The following DNAJC1 variants were observed in gnomAD, a reference collection of about 807,000 sequenced individuals.
The protein encoded by DNAJC1 is dnaJ homolog subfamily C member 1.
Under a neutral mutation model 76.6 loss-of-function variants are expected in DNAJC1, and 58 were observed. The observed-to-expected ratio is 0.76, with a 90% CI of 0.61 to 0.94. The LOEUF (loss-of-function observed/expected upper bound fraction) is 0.94, where lower values mean the gene tolerates loss of function less well. Among genes scored for constraint, DNAJC1 ranks in the 40% least tolerant of loss-of-function variants. DNAJC1 has a pLI of 0.00. For synonymous variants in DNAJC1, 258 were observed against 267.9 expected (o/e 0.96, Z 0.36); for missense variants, 689 against 677.3 (o/e 1.02, Z -0.19).
intron 10 of DNAJC1, among the ~76,000 whole-genome samples, chr10:21,764,188 A>G (rs980085047): frequency 2.6e-5 from 4 of 152,212 alleles, no homozygotes; most frequent in Non-Finnish European, 4.4e-5. Flanking sequence ...TATACTATGG[A>G]CTACTATGGA....
At chr10:21,767,794 G>A (rs551571451) in intron 9 of DNAJC1, among the ~76,000 whole-genome samples, 1 of 152,010 alleles carries the variant, frequency 6.6e-6, no homozygotes. Context: ...TCAGGAGTTC[G>A]AGACCAGCCT....
At chr10:21,975,640 TCTTA>T (rs974729619) in intron 1 of DNAJC1, among the ~76,000 whole-genome samples, 2 of 151,086 alleles carry the variant, frequency 1.3e-5, no homozygotes, top group Non-Finnish European at 3.0e-5. Flanking sequence ...ATACTAGCTA[TCTTA>T]CTTACTGTCC....
In DNAJC1 at chr10:21,867,858, G is replaced by C. The variant is rs191292770; in HGVS notation, c.978+14424C>G. 3.3e-4 allele frequency among the ~76,000 whole-genome samples: 50 copies of C among 151,954 alleles called. 1 individual carries two copies. The East Asian group carries it at 6.8e-3, about 21-fold the overall frequency. On this transcript the variant is annotated intron_variant, in intron 8 of 11. Transcript: ENST00000376980. ...AGGCCGAGGCGGGCAGATCACCTGA[G>C]GTCAGGAGTTTGAGACCAGCCTGGC...
chr10:21,941,217 C>T (rs891823051), intron 1 of DNAJC1, among the ~76,000 whole-genome samples: 3 of 134,098 alleles, frequency 2.2e-5, no homozygotes, highest in African/African-American at 5.6e-5. Context: ...TGCAGTGAGC[C>T]GAGATCGCGC....
intron 1 of DNAJC1, among the ~76,000 whole-genome samples, chr10:21,931,043 T>G (rs1837213315): frequency 6.6e-6 from 1 of 152,216 alleles, no homozygotes; most frequent in Non-Finnish European, 1.5e-5. Context: ...CTTACCATTC[T>G]GATCCCCCAA....
rs372142853 is a variant in DNAJC1, at chr10:21,934,943, T to C, written c.223-5802A>G. Among the ~76,000 whole-genome samples, 44 of 152,310 alleles carry C rather than the reference T, an allele frequency of 2.9e-4. 3 individuals carry two copies. Among genetic ancestry groups the C allele is most frequent in the African/African-American group, 9.9e-4 (41 of 41,570 alleles). On this transcript the variant is annotated intron_variant, in intron 1 of 11. Transcript: ENST00000376980. ...TAGTGGCCATACACAGCACAGAATA[T>C]GAACTTTACAAAAGTGTCTATTTCA...
chr10:21,887,151 A>G (rs1282744581), intron 7 of DNAJC1, among the ~76,000 whole-genome samples: 2 of 152,194 alleles, frequency 1.3e-5, no homozygotes, highest in Non-Finnish European at 2.9e-5. Flanking sequence ...TGCCGCAAAA[A>G]GAATAAAATA....
intron 9 of DNAJC1, 103 bp downstream of exon 9, chr10:21,805,877 T>C: frequency 6.8e-7 from 1 of 1,471,810 alleles, no homozygotes; most frequent in South Asian, 1.2e-5. Context: ...GATTGTTGTA[T>C]CCCCTCCCCA....
intron 8 of DNAJC1, among the ~76,000 whole-genome samples, chr10:21,844,936 A>C (rs891835933): frequency 6.6e-6 from 1 of 152,204 alleles, no homozygotes; most frequent in Non-Finnish European, 1.5e-5. Context: ...AGGCTGGAGC[A>C]GGAGGACTGC....
At chr10:21,757,265 CA>C (rs1834187749) in intron 11 of DNAJC1, among the ~76,000 whole-genome samples, 1 of 152,160 alleles carries the variant, frequency 6.6e-6, no homozygotes, top group South Asian at 2.1e-4. Context: ...ACCTCCATCC[CA>C]CCCTACAGGC....
intron 9 of DNAJC1, among the ~76,000 whole-genome samples, chr10:21,786,463 T>TATATAGAGAGAG (rs1332368009): frequency 4.3e-5 from 1 of 23,404 alleles, no homozygotes; most frequent in African/African-American, 1.5e-4. Context: ...TATATATATA[T>TATATAGAGAGAG]AGAGAGAGAG....
rs539712331 is a variant in DNAJC1 at position 21,856,861 on chromosome 10, G to C, written c.978+25421C>G. On this transcript the variant is annotated intron_variant, in intron 8 of 11. Coordinates refer to ENST00000376980, the MANE Select transcript of DNAJC1 (RefSeq NM_022365.4). Reference sequence around the variant, plus strand: ...AAGCGATTCTCCTGCCTCAGCCTCCGAGTAGCTGGGACCACAGGTGCGCAC... The same window carrying C: ...AAGCGATTCTCCTGCCTCAGCCTCCCAGTAGCTGGGACCACAGGTGCGCAC... 1.3e-4 allele frequency among the ~76,000 whole-genome samples: 20 copies of C among 151,794 alleles called. 1 individual carries two copies. In the East Asian group the frequency reaches 3.7e-3, roughly 28 times the overall value.
At chr10:21,806,302 T>C (rs988335532) in intron 8 of DNAJC1, among the ~76,000 whole-genome samples, 1 of 152,202 alleles carries the variant, frequency 6.6e-6, no homozygotes, top group Admixed American at 6.5e-5. Flanking sequence ...TGCAAAGCTC[T>C]AGAAGCCTAT....
intron 9 of DNAJC1, among the ~76,000 whole-genome samples, chr10:21,770,880 T>C (rs989545699): frequency 7.2e-5 from 11 of 152,212 alleles, no homozygotes; most frequent in African/African-American, 2.7e-4. Context: ...TTGAAGCTTT[T>C]GGTTGCTTGT....
At chr10:21,803,138 T>G (rs1011426748) in intron 9 of DNAJC1, among the ~76,000 whole-genome samples, 1 of 152,136 alleles carries the variant, frequency 6.6e-6, no homozygotes, top group African/African-American at 2.4e-5. Context: ...AAAAGGTTTT[T>G]AACTGTAATC....
chr10:21,864,087 G>A (rs1359841533), intron 8 of DNAJC1, among the ~76,000 whole-genome samples: 1 of 152,080 alleles, frequency 6.6e-6, no homozygotes, highest in Non-Finnish European at 1.5e-5. Flanking sequence ...TGTGCCTGTA[G>A]TCCCAGCTAC....
chr10:21,972,361 A>T (rs1258620210), intron 1 of DNAJC1, among the ~76,000 whole-genome samples: 1 of 152,010 alleles, frequency 6.6e-6, no homozygotes, highest in Non-Finnish European at 1.5e-5. Flanking sequence ...TTACACAAAA[A>T]ATATTAATGA....
chr10:21,918,705 G>A (rs796573020), intron 6 of DNAJC1, 74 bp downstream of exon 6: 75 of 1,132,442 alleles, frequency 6.6e-5, no homozygotes, highest in Admixed American at 4.0e-4. Context: ...TCAGAGAGCC[G>A]ACATGGGCAT....
intron 10 of DNAJC1, among the ~76,000 whole-genome samples, chr10:21,764,370 T>C (rs1389201352): frequency 1.3e-5 from 2 of 152,220 alleles, no homozygotes; most frequent in Non-Finnish European, 2.9e-5. Flanking sequence ...CATGTGATTG[T>C]TATTTTCTTC....
Sources: gnomAD v4.1 joint callset for allele counts (sites outside exome capture counted in the v4.1 genomes callset) on GRCh38, gnomAD v4.1.1 for gene constraint, MANE v1.5 for transcripts, NCBI Gene and HGNC (gene_info 2026-07-23, HGNC 2026-07-21) for gene names.